The following COL5A2 variants were observed in gnomAD, a reference collection of about 807,000 sequenced individuals.
COL5A2 encodes collagen alpha-2(V) chain.
Under a neutral mutation model 208.2 loss-of-function variants are expected in COL5A2, and 23 were observed. The observed-to-expected ratio is 0.11, with a 90% CI of 0.08 to 0.16. COL5A2 has a LOEUF of 0.16. Ranked by LOEUF, COL5A2 falls within the 10% of genes least tolerant of loss-of-function variation. The pLI is 1.00. For synonymous variants in COL5A2, 625 were observed against 628.5 expected, an observed-to-expected ratio of 0.99 and a Z score of 0.08; for missense variants, 1,590 against 1,956.4, an observed-to-expected ratio of 0.81 and a Z score of 3.53.
chr2:189,120,961 C>T (rs187685106), intron 1 of COL5A2, among the ~76,000 whole-genome samples: 1 of 152,264 alleles, frequency 6.6e-6, no homozygotes, highest in East Asian at 1.9e-4. Context: ...TGTTATTTTG[C>T]CAAGCACTGG....
chr2:189,322,705 C>T, the COL5A2 span, among the ~76,000 whole-genome samples: 3 of 152,084 alleles, frequency 2.0e-5, no homozygotes, highest in Non-Finnish European at 2.9e-5. Flanking sequence ...AACCAAAAAA[C>T]GTCCAGGACC....
At chr2:189,193,442 G>C (rs530320574) in intron 1 of COL5A2, among the ~76,000 whole-genome samples, 1 of 152,284 alleles carries the variant, frequency 6.6e-6, no homozygotes, top group African/African-American at 2.4e-5. Flanking sequence ...GACCATAAGA[G>C]TTTCAAATAT....
At chr2:189,068,999 A>C (rs911061903) in intron 18 of COL5A2, 115 bp from the exon 19 acceptor site, 29 of 775,316 alleles carry the variant, frequency 3.7e-5, no homozygotes, top group Non-Finnish European at 6.3e-5. Context: ...AAAGAGGCCA[A>C]AGAGGATTAC....
At chr2:189,405,165 T>C in the COL5A2 span, among the ~76,000 whole-genome samples, 1 of 152,200 alleles carries the variant, frequency 6.6e-6, no homozygotes, top group Non-Finnish European at 1.5e-5. Context: ...TTAGGATTAA[T>C]TGAATGAAAA....
At position 189,088,777 on chromosome 2, in the gene COL5A2, A is replaced by G; in HGVS notation, c.568-5T>C. 6.2e-7 allele frequency: 1 copy of G among 1,613,118 alleles called. No individual in the cohort carries two copies. The highest frequency in any genetic ancestry group is 8.5e-7 in the Non-Finnish European group (1 of 1,179,108). ...AGCCATTTGAGCTGAAAACGGCTGT[A>G]AAAGCGATATGTTGACATTATTTCT... On this transcript the variant is annotated splice_region_variant and splice_polypyrimidine_tract_variant and intron_variant, in intron 7 of 53. Coordinates refer to ENST00000374866, the MANE Select transcript of COL5A2 (RefSeq NM_000393.5).
At chr2:189,364,625 A>T in the COL5A2 span, among the ~76,000 whole-genome samples, 1 of 152,224 alleles carries the variant, frequency 6.6e-6, no homozygotes, top group African/African-American at 2.4e-5. Flanking sequence ...TGGAGGTTGC[A>T]GTAAATAGAG....
At chr2:189,113,456 A>G (rs1414810300) in intron 1 of COL5A2, among the ~76,000 whole-genome samples, 1 of 151,878 alleles carries the variant, frequency 6.6e-6, no homozygotes, top group Non-Finnish European at 1.5e-5. Context: ...ACAAGAAGGA[A>G]GCATATGTGT....
the COL5A2 span, among the ~76,000 whole-genome samples, chr2:189,390,223 C>T: frequency 4.6e-5 from 7 of 152,018 alleles, no homozygotes; most frequent in Admixed American, 3.3e-4. Flanking sequence ...GGAGCTCACC[C>T]GCACAAATCA....
the COL5A2 span, among the ~76,000 whole-genome samples, chr2:189,238,991 A>G: frequency 6.6e-6 from 1 of 152,158 alleles, no homozygotes; most frequent in African/African-American, 2.4e-5. Context: ...ACAATTAGGT[A>G]TTCTTTTTAC....
rs1449512324 is a variant in COL5A2, at chr2:189,110,231, T to C, written c.316A>G (p.Asn106Asp). 2.5e-6 allele frequency: 4 copies of C among 1,611,532 alleles called. No homozygotes were observed. Among genetic ancestry groups the C allele is most frequent in the African/African-American group, 1.3e-5 (1 of 74,848 alleles). ...TGGCCCTAAACATTCTTACCAAAAT[T>C]GGTATTGCCACCTCCAGGTGTTTGT... ...CSQTPGGGNT[N>D]FGRGRKGQKG... Residue 106 changes from asparagine to aspartate, a missense_variant, in exon 2 of 54, where the codon AAT becomes GAT. Asn to Asp is a conservative substitution (Grantham distance 23). Transcript: ENST00000374866.
chr2:189,389,785 C>A, the COL5A2 span, among the ~76,000 whole-genome samples: 1 of 152,148 alleles, frequency 6.6e-6, no homozygotes, highest in Non-Finnish European at 1.5e-5. Context: ...GAAACAAATG[C>A]TATTCCAATA....
At chr2:189,053,801 A>G in intron 37 of COL5A2, 94 bp downstream of exon 37, 1 of 1,143,176 alleles carries the variant, frequency 8.7e-7, no homozygotes, top group Non-Finnish European at 1.3e-6. Context: ...ACCTAAAACC[A>G]ATAAGCATTG....
At chr2:189,092,663 G>C (rs1686813920) in intron 6 of COL5A2, among the ~76,000 whole-genome samples, 1 of 152,206 alleles carries the variant, frequency 6.6e-6, no homozygotes, top group South Asian at 2.1e-4. Flanking sequence ...CCAGAAATCA[G>C]CATTCTTAGA....
chr2:189,335,453 C>G, the COL5A2 span, among the ~76,000 whole-genome samples: 5,370 of 152,126 alleles, frequency 0.035, 111 homozygotes, highest in Admixed American at 0.05. Flanking sequence ...CAATTCCATT[C>G]TTAGAAATAT....
At chr2:189,360,021 T>C in the COL5A2 span, among the ~76,000 whole-genome samples, 33 of 152,274 alleles carry the variant, frequency 2.2e-4, no homozygotes, top group African/African-American at 7.0e-4. Context: ...TTTTGTTTCA[T>C]TGATCTTTTT....
At chr2:189,151,616 C>A (rs1237080972) in intron 1 of COL5A2, among the ~76,000 whole-genome samples, 1 of 152,054 alleles carries the variant, frequency 6.6e-6, no homozygotes, top group East Asian at 1.9e-4. Context: ...GATAAGTTGC[C>A]AAGGTGTGTT....
At chr2:189,141,371 C>T (rs937535361) in intron 1 of COL5A2, among the ~76,000 whole-genome samples, 1 of 152,006 alleles carries the variant, frequency 6.6e-6, no homozygotes, top group Non-Finnish European at 1.5e-5. Context: ...GCCTATTTTG[C>T]CTTATTACAT....
intron 3 of COL5A2, among the ~76,000 whole-genome samples, chr2:189,103,959 T>G (rs186468924): frequency 9.9e-5 from 15 of 152,172 alleles, no homozygotes; most frequent in Non-Finnish European, 2.1e-4. Context: ...GTGCAAAGTA[T>G]GTACTATGCA....
chr2:189,358,037 A>G, the COL5A2 span, among the ~76,000 whole-genome samples: 5,549 of 151,970 alleles, frequency 0.037, 118 homozygotes, highest in Admixed American at 0.05. Flanking sequence ...GCTTCAGCTC[A>G]CCCTCTGTGG....
Sources: gnomAD v4.1 joint callset for allele counts (sites outside exome capture counted in the v4.1 genomes callset) on GRCh38, gnomAD v4.1.1 for gene constraint, MANE v1.5 for transcripts, NCBI Gene and HGNC (gene_info 2026-07-23, HGNC 2026-07-21) for gene names.